The following ENPP7 variants were observed in gnomAD, a reference collection of about 807,000 sequenced individuals.
The protein encoded by ENPP7 is ectonucleotide pyrophosphatase/phosphodiesterase family member 7.
In ENPP7, 39 loss-of-function variants were observed where a neutral mutation model predicts 33.6. That is an observed-to-expected ratio of 1.16 (90% CI 0.90 to 1.52). The LOEUF is 1.52. Ranked by LOEUF, ENPP7 falls within the 40% of genes most tolerant of loss-of-function variation. ENPP7 has a pLI of 0.00. For synonymous variants in ENPP7, 244 were observed against 274.3 expected (o/e 0.89, Z 1.09); for missense variants, 594 against 641.0 (o/e 0.93, Z 0.79).
chr17:79,741,728 C>G (rs1463862657), intron 5 of ENPP7, 66 bp from the exon 6 acceptor site: 6 of 934,800 alleles, frequency 6.4e-6, no homozygotes, highest in Non-Finnish European at 7.7e-6. Context: ...ACCTGTCCCA[C>G]CAGACCTGCC....
At chr17:79,733,410 A>G in intron 1 of ENPP7, 98 bp from the exon 2 acceptor site, 1 of 1,304,100 alleles carries the variant, frequency 7.7e-7, no homozygotes, top group Non-Finnish European at 1.1e-6. Flanking sequence ...ACACAGGGAA[A>G]CCTGGGCTGT....
chr17:79,733,326 C>T (rs567009692), intron 1 of ENPP7, among the ~76,000 whole-genome samples, 182 bp from the exon 2 acceptor site: 1 of 152,312 alleles, frequency 6.6e-6, no homozygotes, highest in South Asian at 2.1e-4. Flanking sequence ...GACCTCGAAC[C>T]TTGGCTCCCA....
chr17:79,742,022 C>CCCTGCT lies in ENPP7; in HGVS notation c.*255_*260dup, dbSNP rs1225218901. 6.2e-5 allele frequency: 50 copies of CCCTGCT among 812,396 alleles called. No homozygotes were observed. In the African/African-American group the frequency reaches 6.5e-4, roughly 11 times the overall value. The allele number at this position is 812,396 out of a possible 1,614,324, so 50.3% of individuals were successfully genotyped here. ...CCCATAACCGGCCCCCTGCCCCTGC[C>CCCTGCT]CCTGCTCCTGCTCCTCCCCTTCGGG... is the stretch of plus-strand genomic sequence containing the variant. On this transcript the variant is annotated 3_prime_UTR_variant, in exon 6 of 6. Transcript: ENST00000328313.
chr17:79,737,721 C>A lies in ENPP7; in HGVS notation c.1247-195C>A, dbSNP rs1487200197. Among the ~76,000 whole-genome samples, 3 of 152,172 alleles carry A rather than the reference C, an allele frequency of 2.0e-5. No individual in the cohort carries two copies. The highest frequency in any genetic ancestry group is 6.5e-5 in the Admixed American group (1 of 15,284). ...GACAAGGTGGCGACCCCGGCGGGGG[C>A]CTGGCTGGAGAGGGGTGGGCTCTAC... On this transcript the variant is annotated intron_variant, in intron 4 of 5. Coordinates refer to ENST00000328313, the MANE Select transcript of ENPP7 (RefSeq NM_178543.5). This position sits in a 1 kb window ranked among gnomAD's most constrained non-coding sequence, Gnocchi z 5.5.
At chr17:79,741,473 G>A (rs1905516975) in intron 5 of ENPP7, among the ~76,000 whole-genome samples, 1 of 152,218 alleles carries the variant, frequency 6.6e-6, no homozygotes, top group Non-Finnish European at 1.5e-5. Flanking sequence ...TGCCAGCCAG[G>A]CCTGGGACAG....
At chr17:79,736,966 T>G in intron 3 of ENPP7, 75 bp from the exon 4 acceptor site, 1 of 1,265,650 alleles carries the variant, frequency 7.9e-7, no homozygotes, top group Non-Finnish European at 1.1e-6. Context: ...GGGGTGTTCA[T>G]AGGGTGGATA....
At position 79,738,458 on chromosome 17, in the gene ENPP7, G is replaced by A. The variant is rs183968489; in HGVS notation, c.*16+396G>A. On this transcript the variant is annotated intron_variant, in intron 5 of 5. Transcript: ENST00000328313. This position sits in a 1 kb window ranked among gnomAD's most constrained non-coding sequence, Gnocchi z 6.2. ...TTTGGGAGGAGAGCTCTGGGGCTGT[G>A]TTCCTGGAACTCTCCAGGAGCCTCC... 6.3e-5 allele frequency: 13 copies of A among 207,020 alleles called. No homozygotes were observed. The East Asian group carries it at 1.2e-3, about 19-fold the overall frequency. The allele number at this position is 207,020 out of a possible 1,614,324, so 12.8% of individuals were successfully genotyped here. A position where few individuals can be genotyped will look rare whatever the true frequency, so the allele number is the denominator to read the frequency against.
rs1555824244 is a variant in ENPP7 at position 79,739,547 on chromosome 17, T to A, written c.*16+1485T>A. On this transcript the variant is annotated intron_variant, in intron 5 of 5. Transcript: ENST00000328313. This position sits in a 1 kb window ranked among gnomAD's most constrained non-coding sequence, Gnocchi z 4.4. Reference sequence around the variant, plus strand: ...AGATTATGTGGGAGGGTGAAGAAAATGCAAAAATGAAAGATGGGTCCAATG... The same window carrying A: ...AGATTATGTGGGAGGGTGAAGAAAAAGCAAAAATGAAAGATGGGTCCAATG... The A allele has an allele frequency of 6.6e-6, 1 of 152,010 alleles. No individual in the cohort carries two copies. Among genetic ancestry groups the A allele is most frequent in the East Asian group, 1.9e-4 (1 of 5,192 alleles). 9.4% of individuals were successfully genotyped at this position (152,010 alleles called of 1,614,324 possible).
intron 1 of ENPP7, among the ~76,000 whole-genome samples, chr17:79,732,299 T>A (rs2145789403): frequency 6.6e-6 from 1 of 150,736 alleles, no homozygotes; most frequent in South Asian, 2.1e-4. Flanking sequence ...AATAATAAAA[T>A]AATAAAAAGC....
In ENPP7 at chr17:79,737,713, G is replaced by A. The variant is rs573322881; in HGVS notation, c.1247-203G>A. ...TGGAAACTGACAAGGTGGCGACCCC[G>A]GCGGGGGCCTGGCTGGAGAGGGGTG... is the stretch of plus-strand genomic sequence containing the variant. On this transcript the variant is annotated intron_variant, in intron 4 of 5. Coordinates refer to ENST00000328313, the MANE Select transcript of ENPP7 (RefSeq NM_178543.5). The surrounding 1 kb of genome is among the most constrained non-coding windows in gnomAD (Gnocchi z 5.5). Among the ~76,000 whole-genome samples, 5 of 152,320 alleles carry A rather than the reference G, an allele frequency of 3.3e-5. No individual in the cohort carries two copies. The highest frequency in any genetic ancestry group is 1.9e-4 in the East Asian group (1 of 5,166).
At chr17:79,734,926 C>A in intron 2 of ENPP7, 117 bp from the exon 3 acceptor site, 3 of 1,049,774 alleles carry the variant, frequency 2.9e-6, no homozygotes, top group South Asian at 1.6e-5. Flanking sequence ...CAGCTAGGAG[C>A]AGGGATGGGT....
chr17:79,736,172 T>G (rs933295256), intron 3 of ENPP7, among the ~76,000 whole-genome samples: 1 of 152,204 alleles, frequency 6.6e-6, no homozygotes, highest in Non-Finnish European at 1.5e-5. Flanking sequence ...CCCAAAGTTA[T>G]GGGATTCAGG....
chr17:79,737,294 C>A lies in ENPP7; in HGVS notation c.1246+34C>A. On this transcript the variant is annotated intron_variant, in intron 4 of 5. Coordinates refer to ENST00000328313, the MANE Select transcript of ENPP7 (RefSeq NM_178543.5). The surrounding 1 kb of genome is among the most constrained non-coding windows in gnomAD (Gnocchi z 5.5). ...AGGGTGCCCCAAATCCCCGCCTGCT[C>A]TGGTGTGTACACGTGTGCACACGAG... The A allele has an allele frequency of 6.5e-7, 1 of 1,531,870 alleles. No homozygotes were observed. The highest frequency in any genetic ancestry group is 8.8e-7 in the Non-Finnish European group (1 of 1,134,610). 94.9% of individuals were successfully genotyped at this position (1,531,870 alleles called of 1,614,324 possible). A position where few individuals can be genotyped will look rare whatever the true frequency, so the allele number is the denominator to read the frequency against.
chr17:79,741,568 A>G lies in ENPP7; in HGVS notation c.*17-226A>G, dbSNP rs1230886487. On this transcript the variant is annotated intron_variant, in intron 5 of 5. Transcript: ENST00000328313. ...ACCCCCATGTCCACACCTGCCCCGCACCTGTGCCCTCCCAGGAATCCCTAC... is the reference window on the plus strand; with the variant it reads ...ACCCCCATGTCCACACCTGCCCCGCGCCTGTGCCCTCCCAGGAATCCCTAC... 7.8e-5 allele frequency among the ~76,000 whole-genome samples: 10 copies of G among 128,110 alleles called. No individual in the cohort carries two copies. In the South Asian group the frequency reaches 2.0e-3, roughly 26 times the overall value. 84.0% of individuals were successfully genotyped at this position (128,110 alleles called of 152,430 possible).
chr17:79,737,324 C>T lies in ENPP7; in HGVS notation c.1246+64C>T, dbSNP rs2094297870. The T allele has an allele frequency of 7.3e-7, 1 of 1,370,218 alleles. No homozygotes were observed. Among genetic ancestry groups the T allele is most frequent in the Non-Finnish European group, 1.0e-6 (1 of 998,596 alleles). The allele number at this position is 1,370,218 out of a possible 1,614,324, so 84.9% of individuals were successfully genotyped here. A position where few individuals can be genotyped will look rare whatever the true frequency, so the allele number is the denominator to read the frequency against. ...GTGTACACGTGTGCACACGAGGGTGCCTGCATGCCTGTGACCAGGACACCC... is the reference window on the plus strand; with the variant it reads ...GTGTACACGTGTGCACACGAGGGTGTCTGCATGCCTGTGACCAGGACACCC... On this transcript the variant is annotated intron_variant, in intron 4 of 5. Coordinates refer to ENST00000328313, the MANE Select transcript of ENPP7 (RefSeq NM_178543.5). This position sits in a 1 kb window ranked among gnomAD's most constrained non-coding sequence, Gnocchi z 5.5.
At position 79,737,271 on chromosome 17, in the gene ENPP7, G is replaced by A. The variant is rs1342744760; in HGVS notation, c.1246+11G>A. On this transcript the variant is annotated intron_variant, in intron 4 of 5. Coordinates refer to ENST00000328313, the MANE Select transcript of ENPP7 (RefSeq NM_178543.5). This position sits in a 1 kb window ranked among gnomAD's most constrained non-coding sequence, Gnocchi z 5.5. ...CCATGCTGCACACAGGTGAGGGCAG[G>A]GTGCCCCAAATCCCCGCCTGCTCTG... 6.3e-7 allele frequency: 1 copy of A among 1,585,310 alleles called. No homozygotes were observed. The highest frequency in any genetic ancestry group is 8.5e-7 in the Non-Finnish European group (1 of 1,170,002).
chr17:79,734,169 C>A (rs1598199422), intron 2 of ENPP7, among the ~76,000 whole-genome samples: 1 of 123,684 alleles, frequency 8.1e-6, no homozygotes, highest in Non-Finnish European at 1.6e-5. Flanking sequence ...GTTTGCAATG[C>A]TCTGGGGGCT....
At position 79,735,148 on chromosome 17, in the gene ENPP7, G is replaced by T; in HGVS notation, c.505G>T (p.Glu169Ter). ...KEGIAHNYKNETEWRANIDTV... is the reference protein window; with the variant it reads ...KEGIAHNYKN The stretch of plus-strand genomic sequence containing the variant: ...AGGCATCGCACACAACTACAAAAAT[G>T]AGACGGAGTGGAGAGCGAACATCGA... The change falls in exon 3 of 6, where the codon GAG (glutamate) becomes TAG (stop). Residue 169 changes from glutamate to a stop codon, truncating the protein, a stop_gained. Coordinates refer to ENST00000328313, the MANE Select transcript of ENPP7 (RefSeq NM_178543.5). LOFTEE classifies it high-confidence loss of function. This position sits in a 1 kb window ranked among gnomAD's most constrained non-coding sequence, Gnocchi z 5.5. 1 of 1,613,258 alleles carries T rather than the reference G, an allele frequency of 6.2e-7. No homozygotes were observed. Among genetic ancestry groups the T allele is most frequent in the Non-Finnish European group, 8.5e-7 (1 of 1,180,028 alleles).
chr17:79,732,131 T>TATATACATATATACACATATATATATATA, intron 1 of ENPP7, among the ~76,000 whole-genome samples: 1 of 20,132 alleles, frequency 5.0e-5, no homozygotes, highest in Non-Finnish European at 1.0e-4. Context: ...CATATATATA[T>TATATACATATATACACATATATATATATA]GTATATATAT....
Sources: allele counts gnomAD v4.1 joint callset (sites outside exome capture counted in the v4.1 genomes callset), GRCh38; gene constraint gnomAD v4.1.1; non-coding constraint Gnocchi (gnomAD v3.1); transcripts MANE v1.5; gene names NCBI Gene and HGNC (gene_info 2026-07-23, HGNC 2026-07-21).